The following ARHGEF37 variants were observed in gnomAD, a reference collection of about 807,000 sequenced individuals.
ARHGEF37 encodes Rho guanine nucleotide exchange factor 37, also known as Rho guanine nucleotide exchange factor (GEF) 37.
ARHGEF37 carries 55 observed loss-of-function variants against 71.1 expected under a neutral mutation model. The observed-to-expected ratio is 0.77, with a 90% CI of 0.62 to 0.97. The LOEUF is 0.97. Ranked by LOEUF, ARHGEF37 falls within the 50% of genes least tolerant of loss-of-function variation. ARHGEF37 has a pLI of 0.00. For missense variants in ARHGEF37, 765 were observed against 836.8 expected (o/e 0.91, Z 1.06); for synonymous variants, 327 against 350.6 (o/e 0.93, Z 0.75).
upstream of ARHGEF37, among the ~76,000 whole-genome samples, chr5:149,579,374 C>G (rs2113257456): frequency 1.3e-5 from 2 of 152,210 alleles, no homozygotes; most frequent in African/African-American, 4.8e-5. Flanking sequence ...TTTGGACAAG[C>G]CACTTAGCCA....
At chr5:149,619,105 G>T in intron 7 of ARHGEF37, 63 bp downstream of exon 7, 5 of 1,364,156 alleles carry the variant, frequency 3.7e-6, no homozygotes, top group Non-Finnish European at 5.2e-6. Flanking sequence ...CAGGAGGCTT[G>T]CAGGGCCCAG....
At chr5:149,570,001 T>C (rs963166527) in intron 1 of ARHGEF37, among the ~76,000 whole-genome samples, 1 of 152,196 alleles carries the variant, frequency 6.6e-6, no homozygotes, top group African/African-American at 2.4e-5. Flanking sequence ...TTTTAGTATT[T>C]TTCATGTTTA....
intron 3 of ARHGEF37, among the ~76,000 whole-genome samples, chr5:149,604,880 G>A (rs538640190): frequency 2.0e-5 from 3 of 151,172 alleles, no homozygotes; most frequent in South Asian, 2.1e-4. Context: ...ACTGGGTTTC[G>A]CCATGTTGGC....
chr5:149,597,743 CT>C lies in ARHGEF37; in HGVS notation c.-11-12del, dbSNP rs1198254312. The C allele has an allele frequency of 2.0e-6, 3 of 1,514,048 alleles. No homozygotes were observed. Among genetic ancestry groups the C allele is most frequent in the East Asian group, 4.9e-5 (2 of 40,978 alleles). 93.8% of individuals were successfully genotyped at this position (1,514,048 alleles called of 1,614,324 possible). On this transcript the variant is annotated splice_polypyrimidine_tract_variant and intron_variant, in intron 1 of 12. Coordinates refer to ENST00000333677, the MANE Select transcript of ARHGEF37 (RefSeq NM_001001669.3). ...TTCTTCCTGGAAGTGAGTGGGGATG[CT>C]TTTGCTTTTCCCAGAACCTGCTGAC... is the stretch of plus-strand genomic sequence containing the variant.
chr5:149,597,990 T>C (rs971656544), intron 2 of ARHGEF37, 35 bp downstream of exon 2: 24 of 1,519,960 alleles, frequency 1.6e-5, no homozygotes, highest in Admixed American at 2.4e-5. Context: ...CCTGTCTTTA[T>C]AGGGGCAAAT....
chr5:149,616,018 G>A (rs1046383343), intron 4 of ARHGEF37, among the ~76,000 whole-genome samples: 23 of 152,238 alleles, frequency 1.5e-4, no homozygotes, highest in Non-Finnish European at 7.3e-5. Flanking sequence ...GAGCAGAGAT[G>A]TCAAGGATCT....
At chr5:149,561,999 T>G (rs1231627910) in intron 1 of ARHGEF37, among the ~76,000 whole-genome samples, 1 of 152,226 alleles carries the variant, frequency 6.6e-6, no homozygotes, top group Non-Finnish European at 1.5e-5. Flanking sequence ...TTTGTGAGAC[T>G]AAATTTGGAA....
chr5:149,599,811 A>G (rs1763700660), intron 2 of ARHGEF37, among the ~76,000 whole-genome samples: 1 of 152,250 alleles, frequency 6.6e-6, no homozygotes, highest in Admixed American at 6.5e-5. Flanking sequence ...CACATAAATA[A>G]CAGACTTAAA....
chr5:149,552,832 A>C (rs941560370), intron 1 of ARHGEF37, among the ~76,000 whole-genome samples: 10 of 152,026 alleles, frequency 6.6e-5, no homozygotes, highest in African/African-American at 1.9e-4. Context: ...CTGTCTCAAA[A>C]AAAAAATAAT....
chr5:149,621,741 G>A lies in ARHGEF37; in HGVS notation c.1014G>A (p.Arg338=). Residue 338 remains arginine (R), a synonymous_variant, in exon 9 of 13, where the codon CGG becomes CGA. Transcript: ENST00000333677. ...CTCATGTCTCCCCACAGAAGCAACGGCTAGAAGGCCTGGTGTGGCAGCCAC... is the reference window on the plus strand; with the variant it reads ...CTCATGTCTCCCCACAGAAGCAACGACTAGAAGGCCTGGTGTGGCAGCCAC... ...HLEAFLKFKQ[R]LEGLVWQPLC... 1 of 1,611,080 alleles carries A rather than the reference G, an allele frequency of 6.2e-7. No individual in the cohort carries two copies. Among genetic ancestry groups the A allele is most frequent in the Non-Finnish European group, 8.5e-7 (1 of 1,177,932 alleles).
intron 3 of ARHGEF37, among the ~76,000 whole-genome samples, chr5:149,603,049 C>T (rs1407854789): frequency 6.6e-6 from 1 of 152,092 alleles, no homozygotes; most frequent in Non-Finnish European, 1.5e-5. Flanking sequence ...TCTCCTGCCT[C>T]AACCTCCTGA....
upstream of ARHGEF37, among the ~76,000 whole-genome samples, chr5:149,580,689 G>T (rs1763089300): frequency 6.6e-6 from 1 of 151,954 alleles, no homozygotes; most frequent in Non-Finnish European, 1.5e-5. Context: ...ATAGCGCCTG[G>T]CCCTTAGTAA....
At chr5:149,580,092 C>T (rs982731322), upstream of ARHGEF37, among the ~76,000 whole-genome samples, 14 of 151,892 alleles carry the variant, frequency 9.2e-5, no homozygotes, top group African/African-American at 2.7e-4. Flanking sequence ...GACGGAGTCT[C>T]GCTCTGTCAC....
intron 1 of ARHGEF37, among the ~76,000 whole-genome samples, chr5:149,589,081 T>C (rs898142566): frequency 6.6e-6 from 1 of 151,932 alleles, no homozygotes; most frequent in Non-Finnish European, 1.5e-5. Flanking sequence ...GTTAGAAAAT[T>C]AGCTGGGTAT....
chr5:149,614,299 A>G (rs1415140330), intron 4 of ARHGEF37, among the ~76,000 whole-genome samples: 1 of 151,952 alleles, frequency 6.6e-6, no homozygotes, highest in Non-Finnish European at 1.5e-5. Flanking sequence ...CAAATTGCCA[A>G]ACTCCTCTGC....
intron 1 of ARHGEF37, among the ~76,000 whole-genome samples, chr5:149,567,413 CTTTG>C (rs554880145): frequency 2.1e-3 from 326 of 152,214 alleles, no homozygotes; most frequent in Middle Eastern, 6.8e-3. Context: ...ACCATTTCCC[CTTTG>C]TTTGTTAATA....
In ARHGEF37 at chr5:149,601,185, T is replaced by G. The variant is rs753663967; in HGVS notation, c.264T>G (p.Asp88Glu). 3.1e-6 allele frequency: 5 copies of G among 1,613,302 alleles called. No individual in the cohort carries two copies. The African/African-American group carries it at 6.7e-5, about 22-fold the overall frequency. ...IIKVNSRFLH[D>E]LQETASKEEE... ...AAGTGAACAGCAGATTCCTCCATGA[T>G]CTGCAGGAGACAGCCTCCAAGGAAG... is the stretch of plus-strand genomic sequence containing the variant. The change falls in exon 3 of 13, where the codon GAT becomes GAG. Residue 88 changes from aspartate to glutamate, a missense_variant. Coordinates refer to ENST00000333677, the MANE Select transcript of ARHGEF37 (RefSeq NM_001001669.3).
intron 1 of ARHGEF37, among the ~76,000 whole-genome samples, chr5:149,591,463 AGC>A (rs1403288917): frequency 1.3e-5 from 2 of 152,110 alleles, no homozygotes; most frequent in Non-Finnish European, 2.9e-5. Flanking sequence ...AGCTCACTGC[AGC>A]CTTGAACTCC....
Position 149,632,431 on chromosome 5 carries a change from G to A in ARHGEF37, c.*240G>A, listed in dbSNP as rs1483853324. 5.6e-6 allele frequency: 3 copies of A among 534,964 alleles called. No homozygotes were observed. The highest frequency in any genetic ancestry group is 6.3e-5 in the East Asian group (2 of 31,778). 33.1% of individuals were successfully genotyped at this position (534,964 alleles called of 1,614,324 possible). On this transcript the variant is annotated 3_prime_UTR_variant, in exon 13 of 13. Transcript: ENST00000333677. ...TATGTCTGCATAAAGAACTCATTCC[G>A]ACCTGGGGTCACAATGCACTTGGAC...
Sources: gnomAD v4.1 joint callset for allele counts (sites outside exome capture counted in the v4.1 genomes callset) on GRCh38, gnomAD v4.1.1 for gene constraint, MANE v1.5 for transcripts, NCBI Gene and HGNC (gene_info 2026-07-23, HGNC 2026-07-21) for gene names.